The following AKR1B15 variants were observed in gnomAD, a reference collection of about 807,000 sequenced individuals.
AKR1B15 encodes aldo-keto reductase family 1 member B15.
Under a neutral mutation model 38.5 loss-of-function variants are expected in AKR1B15, and 49 were observed. That is an observed-to-expected ratio of 1.27 (90% CI 1.01 to 1.62). The LOEUF (loss-of-function observed/expected upper bound fraction) is 1.62. AKR1B15 is among the 40% of genes most tolerant of loss of function. AKR1B15 has a pLI of 0.00. For synonymous variants in AKR1B15, 137 were observed against 135.5 expected, an observed-to-expected ratio of 1.01 and a Z score of -0.08; for missense variants, 411 against 381.6, an observed-to-expected ratio of 1.08 and a Z score of -0.64.
intron 3 of AKR1B15, among the ~76,000 whole-genome samples, chr7:134,566,818 G>T (rs531441188): frequency 3.9e-5 from 6 of 152,290 alleles, no homozygotes; most frequent in African/African-American, 1.2e-4. Context: ...TGGGCGAACA[G>T]ATCACTTCCA....
chr7:134,560,109 G>GA lies in AKR1B15; in HGVS notation c.-23+3262dup, dbSNP rs145835206. 2.7e-3 allele frequency among the ~76,000 whole-genome samples: 401 copies of GA among 146,832 alleles called. 1 individual carries two copies. Among genetic ancestry groups the GA allele is most frequent in the South Asian group, 0.018 (85 of 4,610 alleles). On this transcript the variant is annotated intron_variant, in intron 2 of 11. Coordinates refer to ENST00000457545, the MANE Select transcript of AKR1B15 (RefSeq NM_001080538.3). ...GGTGACAGAGCGAGACTCCACCTAA[G>GA]AAAAAAAAAAAACTATTAGCGAAAA...
chr7:134,565,269 C>G, intron 3 of AKR1B15: 1 of 739,834 alleles, frequency 1.4e-6, no homozygotes, highest in Non-Finnish European at 2.1e-6. Flanking sequence ...GTCAGCGACA[C>G]CACAAACCCA....
rs1211217197 is a variant in AKR1B15 at position 134,562,870 on chromosome 7, CT to C, written c.-22-1725del. 7.2e-4 allele frequency among the ~76,000 whole-genome samples: 102 copies of C among 141,944 alleles called. 1 individual carries two copies. Among genetic ancestry groups the C allele is most frequent in the African/African-American group, 2.6e-3 (96 of 36,868 alleles). The allele number at this position is 141,944 out of a possible 152,430, so 93.1% of individuals were successfully genotyped here. On this transcript the variant is annotated intron_variant, in intron 2 of 11. Transcript: ENST00000457545. ...TCTTTCTTTCTTTCTTTCTTTCTTTCTTTCTTTCTTTCTTTCTTTCCTTCTT... is the reference window on the plus strand; with the variant it reads ...TCTTTCTTTCTTTCTTTCTTTCTTTCTTCTTTCTTTCTTTCTTTCCTTCTT...
chr7:134,575,714 A>G (rs778795589), intron 7 of AKR1B15, 107 bp from the exon 8 acceptor site: 5 of 1,590,064 alleles, frequency 3.1e-6, no homozygotes, highest in Middle Eastern at 1.7e-4. Context: ...CTCAGTGCGC[A>G]CTTGTTTGGC....
chr7:134,561,142 A>G (rs1433649925), intron 2 of AKR1B15, among the ~76,000 whole-genome samples: 1 of 152,222 alleles, frequency 6.6e-6, no homozygotes, highest in Admixed American at 6.5e-5. Flanking sequence ...TCCAGTATAC[A>G]CTGGGAAAAT....
At chr7:134,564,415 T>A (rs1794486994) in intron 2 of AKR1B15, among the ~76,000 whole-genome samples, 183 bp from the exon 3 acceptor site, 1 of 152,282 alleles carries the variant, frequency 6.6e-6, no homozygotes, top group African/African-American at 2.4e-5. Context: ...TAATACGAGA[T>A]GCTGCCCGGC....
At position 134,555,717 on chromosome 7, in the gene AKR1B15, G is replaced by A. The variant is rs375791503; in HGVS notation, c.-146-1019G>A. ...CCCTTGAAGAGCAATGCAATCTGCC[G>A]ATCATGAGAGCAGGGAACGCTGACC... On this transcript the variant is annotated intron_variant, in intron 1 of 11. Transcript: ENST00000457545. 8.5e-5 allele frequency among the ~76,000 whole-genome samples: 13 copies of A among 152,190 alleles called. No homozygotes were observed. In the South Asian group the frequency reaches 1.9e-3, roughly 22 times the overall value.
intron 11 of AKR1B15, among the ~76,000 whole-genome samples, 170 bp downstream of exon 11, chr7:134,577,956 A>G (rs1310025502): frequency 1.3e-5 from 2 of 152,220 alleles, no homozygotes; most frequent in Non-Finnish European, 2.9e-5. Flanking sequence ...TAAGGGACAC[A>G]TCTCTAATTG....
chr7:134,562,590 G>T (rs1278653282), intron 2 of AKR1B15, among the ~76,000 whole-genome samples: 1 of 151,990 alleles, frequency 6.6e-6, no homozygotes, highest in Admixed American at 6.6e-5. Context: ...AGCACTGATT[G>T]GTGCATTTTA....
At chr7:134,559,791 T>G (rs1212225601) in intron 2 of AKR1B15, among the ~76,000 whole-genome samples, 2 of 152,168 alleles carry the variant, frequency 1.3e-5, no homozygotes, top group African/African-American at 2.4e-5. Flanking sequence ...AAGTTCTTAT[T>G]AAACCTTCTG....
In AKR1B15 at chr7:134,568,184, G is replaced by C; in HGVS notation, c.177G>C (p.Ala59=). 6.2e-7 allele frequency: 1 copy of C among 1,614,060 alleles called. No individual in the cohort carries two copies. The highest frequency in any genetic ancestry group is 8.5e-7 in the Non-Finnish European group (1 of 1,179,978). ...CTCTTCTCGGCAAAGTGAAAGAAGC[G>C]GTGAAGGTGGCCATTGATGCAGAAT... ...PASLLGKVKE[A]VKVAIDAEYR... is the part of the protein sequence containing the mutation. Residue 59 remains alanine, a synonymous_variant, in exon 4 of 12, where the codon GCG becomes GCC. Transcript: ENST00000457545.
At chr7:134,565,375 AT>A in intron 3 of AKR1B15, 1 of 1,577,764 alleles carries the variant, frequency 6.3e-7, no homozygotes. Context: ...CCACGGCTTC[AT>A]TCTTGAAGCC....
At chr7:134,558,923 C>T (rs1356024398) in intron 2 of AKR1B15, among the ~76,000 whole-genome samples, 2 of 152,066 alleles carry the variant, frequency 1.3e-5, no homozygotes, top group East Asian at 1.9e-4. Flanking sequence ...AAAGGAAGCT[C>T]GAACCAGCCT....
intron 6 of AKR1B15, 40 bp downstream of exon 6, chr7:134,571,721 C>A (rs770533514): frequency 6.7e-7 from 1 of 1,492,376 alleles, no homozygotes; most frequent in East Asian, 2.3e-5. Flanking sequence ...GGAGAGAAAT[C>A]CTCAGTTATC....
intron 3 of AKR1B15, chr7:134,565,134 C>A: frequency 3.0e-6 from 1 of 337,848 alleles, no homozygotes; most frequent in Admixed American, 4.1e-5. Flanking sequence ...AGATACCCTT[C>A]CACACCGTGG....
rs569191307 is a variant in AKR1B15, at chr7:134,549,382, GTC to G, written c.-147+147_-147+148del. ...CTGTCAGGATTCTCTGTTAAGTCTA[GTC>G]TCTCTCTCTCTCTATCTCTTCTCCC... On this transcript the variant is annotated intron_variant, in intron 1 of 11. Transcript: ENST00000457545. The G allele has an allele frequency of 6.1e-3, 918 of 151,644 alleles. 7 individuals carry two copies. Among genetic ancestry groups the G allele is most frequent in the African/African-American group, 0.021 (864 of 41,394 alleles). 9.4% of individuals were successfully genotyped at this position (151,644 alleles called of 1,614,324 possible). A position where few individuals can be genotyped will look rare whatever the true frequency, so the allele number is the denominator to read the frequency against.
At chr7:134,573,663 C>A (rs1256852167) in intron 6 of AKR1B15, 5 of 464,410 alleles carry the variant, frequency 1.1e-5, no homozygotes, top group Non-Finnish European at 1.1e-5. Context: ...CTAACCTGAC[C>A]TATGATGCAC....
chr7:134,575,342 C>T (rs972004803), intron 6 of AKR1B15, 78 bp from the exon 7 acceptor site: 1 of 1,550,246 alleles, frequency 6.5e-7, no homozygotes, highest in African/African-American at 1.4e-5. Flanking sequence ...GCAATTTCTG[C>T]CCCAGGGAAG....
rs1794167340 is a variant in AKR1B15 at position 134,555,657 on chromosome 7, C to CG, written c.-146-1077dup. ...CCTCCAAGGAAGTCTCTTTTGTAGT[C>CG]GGTTTATGTGCTTTGTTCCCCGACC... On this transcript the variant is annotated intron_variant, in intron 1 of 11. Transcript: ENST00000457545. Among the ~76,000 whole-genome samples the CG allele has an allele frequency of 2.6e-5, 4 of 152,062 alleles. No individual in the cohort carries two copies. In the South Asian group the frequency reaches 8.3e-4, roughly 32 times the overall value.
Sources: allele counts gnomAD v4.1 joint callset (sites outside exome capture counted in the v4.1 genomes callset), GRCh38; gene constraint gnomAD v4.1.1; transcripts MANE v1.5; gene names NCBI Gene and HGNC (gene_info 2026-07-23, HGNC 2026-07-21).